SLC25A12: variants seen among roughly 807,000 people sequenced by gnomAD.
SLC25A12 encodes solute carrier family 25 member 12.
SLC25A12 carries 32 observed loss-of-function variants against 83.3 expected under a neutral mutation model. The ratio of observed to expected loss-of-function variants is 0.38; its 90% CI spans 0.29 to 0.52. The LOEUF is 0.52. Among genes scored for constraint, SLC25A12 ranks in the 20% least tolerant of loss-of-function variants. The pLI, the probability that SLC25A12 is intolerant of heterozygous loss-of-function variation, is 0.84. For synonymous variants in SLC25A12, 267 were observed against 291.1 expected, an observed-to-expected ratio of 0.92 and a Z score of 0.84; for missense variants, 611 against 835.6, an observed-to-expected ratio of 0.73 and a Z score of 3.31.
intron 3 of SLC25A12, among the ~76,000 whole-genome samples, chr2:171,866,961 C>T (rs1339990067): frequency 2.1e-5 from 3 of 145,492 alleles, no homozygotes; most frequent in Non-Finnish European, 3.0e-5. Flanking sequence ...TCTGATGGGG[C>T]GGCCAGGCAG....
At chr2:171,853,501 C>T (rs948172809) in intron 4 of SLC25A12, among the ~76,000 whole-genome samples, 8 of 152,028 alleles carry the variant, frequency 5.3e-5, no homozygotes, top group Non-Finnish European at 7.4e-5. Context: ...CCAACATGGG[C>T]GAAGCCCCGT....
chr2:171,863,643 T>C (rs1235100432), intron 3 of SLC25A12, among the ~76,000 whole-genome samples: 1 of 152,126 alleles, frequency 6.6e-6, no homozygotes, highest in Non-Finnish European at 1.5e-5. Context: ...GAGCAGATGG[T>C]CATAAAAGGA....
chr2:171,809,681 A>C lies in SLC25A12; in HGVS notation c.1230T>G (p.Asn410Lys). 6.2e-7 allele frequency: 1 copy of C among 1,612,834 alleles called. No homozygotes were observed. The highest frequency in any genetic ancestry group is 8.5e-7 in the Non-Finnish European group (1 of 1,178,786). The change falls in exon 13 of 18, where the codon AAT becomes AAG. Residue 410 changes from asparagine (N) to lysine (K), a missense_variant. Coordinates refer to ENST00000422440, the MANE Select transcript of SLC25A12 (RefSeq NM_003705.5). ...TGGTAAATTTGTCCCGAACAAAATC[A>C]TTAACCTAATTAGAAAGACAACATC... ...APEKAIKLTV[N>K]DFVRDKFTRR...
At chr2:171,801,809 AG>A (rs1375814200) in intron 13 of SLC25A12, among the ~76,000 whole-genome samples, 1 of 152,092 alleles carries the variant, frequency 6.6e-6, no homozygotes, top group Admixed American at 6.5e-5. Flanking sequence ...GACATTCAGA[AG>A]GTTAGGTGTA....
At chr2:171,892,318 C>G (rs1377792628) in intron 2 of SLC25A12, among the ~76,000 whole-genome samples, 1 of 152,062 alleles carries the variant, frequency 6.6e-6, no homozygotes, top group Non-Finnish European at 1.5e-5. Flanking sequence ...CTCCGCTTCC[C>G]GGGTTAACGC....
Position 171,784,985 on chromosome 2 carries a change from T to A in SLC25A12, c.*289A>T, listed in dbSNP as rs1690460400. 2.6e-6 allele frequency: 1 copy of A among 391,984 alleles called. No individual in the cohort carries two copies. The highest frequency in any genetic ancestry group is 4.9e-6 in the Non-Finnish European group (1 of 204,842). The allele number at this position is 391,984 out of a possible 1,614,324, so 24.3% of individuals were successfully genotyped here. ...TCTCTGTACAAAGATGTACAATATG[T>A]ACAATCACTGTAAGTGCAAGCTGTG... On this transcript the variant is annotated 3_prime_UTR_variant, in exon 18 of 18. Coordinates refer to ENST00000422440, the MANE Select transcript of SLC25A12 (RefSeq NM_003705.5).
chr2:171,861,342 A>G (rs1468085166), intron 3 of SLC25A12, among the ~76,000 whole-genome samples: 3 of 152,164 alleles, frequency 2.0e-5, no homozygotes, highest in Admixed American at 6.5e-5. Flanking sequence ...TAATGCAACA[A>G]TATTTTTCTG....
In SLC25A12 at chr2:171,883,687, C is replaced by G. The variant is rs781673491; in HGVS notation, c.66+9518G>C. ...ACGTGTGAGCCCTTTGGAATTCCCT[C>G]CACCACTTCACCCTCATTCCCTTTT... On this transcript the variant is annotated intron_variant, in intron 2 of 17. Coordinates refer to ENST00000422440, the MANE Select transcript of SLC25A12 (RefSeq NM_003705.5). Among the ~76,000 whole-genome samples, 4 of 152,164 alleles carry G rather than the reference C, an allele frequency of 2.6e-5. 1 individual carries two copies. The highest frequency in any genetic ancestry group is 6.6e-5 in the Admixed American group (1 of 15,266).
At chr2:171,831,829 G>A (rs1684437718) in intron 8 of SLC25A12, among the ~76,000 whole-genome samples, 1 of 151,970 alleles carries the variant, frequency 6.6e-6, no homozygotes, top group Admixed American at 6.6e-5. Context: ...AACCCAGGAG[G>A]CGGAGGTTGC....
intron 13 of SLC25A12, among the ~76,000 whole-genome samples, chr2:171,802,496 G>A (rs1242249769): frequency 1.3e-5 from 2 of 152,178 alleles, no homozygotes; most frequent in East Asian, 1.9e-4. Flanking sequence ...CTGAAAATGG[G>A]CCAGGCACTG....
intron 3 of SLC25A12, among the ~76,000 whole-genome samples, chr2:171,867,105 T>C (rs1290167316): frequency 2.1e-5 from 3 of 139,696 alleles, no homozygotes; most frequent in Middle Eastern, 3.8e-3. Context: ...CCTCACTTCC[T>C]AGATGGGATG....
At chr2:171,807,844 C>A in intron 13 of SLC25A12, among the ~76,000 whole-genome samples, 1 of 152,172 alleles carries the variant, frequency 6.6e-6, no homozygotes, top group Non-Finnish European at 1.5e-5. Context: ...GGCATGCATA[C>A]AGGCACACAC....
intron 8 of SLC25A12, among the ~76,000 whole-genome samples, chr2:171,832,882 A>G (rs774299372): frequency 5.3e-5 from 8 of 152,212 alleles, no homozygotes; most frequent in Non-Finnish European, 8.8e-5. Context: ...TTGTTTTTAT[A>G]TCAACCAATC....
chr2:171,848,612 C>A (rs1030009195), intron 4 of SLC25A12, among the ~76,000 whole-genome samples: 6 of 151,858 alleles, frequency 4.0e-5, no homozygotes, highest in African/African-American at 1.5e-4. Context: ...AACTGGGAAG[C>A]CAAAAAAGAA....
chr2:171,857,254 C>T (rs1685065086), intron 3 of SLC25A12, among the ~76,000 whole-genome samples: 1 of 152,048 alleles, frequency 6.6e-6, no homozygotes, highest in Admixed American at 6.6e-5. Flanking sequence ...ACCTGTAATC[C>T]CAACAACTCA....
chr2:171,878,626 T>C (rs568058080), intron 2 of SLC25A12, among the ~76,000 whole-genome samples: 21 of 151,892 alleles, frequency 1.4e-4, no homozygotes, highest in African/African-American at 5.1e-4. Flanking sequence ...GGCTGTAATA[T>C]GAGTCAAAAC....
chr2:171,884,951 C>T (rs974786695), intron 2 of SLC25A12, among the ~76,000 whole-genome samples: 8 of 152,214 alleles, frequency 5.3e-5, no homozygotes, highest in African/African-American at 1.2e-4. Context: ...CGGTGGCTCA[C>T]GCCTATAATC....
chr2:171,806,474 A>G (rs1409425919), intron 13 of SLC25A12, among the ~76,000 whole-genome samples: 2 of 152,214 alleles, frequency 1.3e-5, no homozygotes, highest in Non-Finnish European at 2.9e-5. Flanking sequence ...AACGAAAACA[A>G]AAACAAACCA....
intron 2 of SLC25A12, chr2:171,871,825 G>A: frequency 1.2e-6 from 1 of 817,342 alleles, no homozygotes. Flanking sequence ...TTTGAGAGGT[G>A]GGAGAATCAC....
Sources: gnomAD v4.1 joint callset for allele counts (sites outside exome capture counted in the v4.1 genomes callset) on GRCh38, gnomAD v4.1.1 for gene constraint, MANE v1.5 for transcripts, NCBI Gene and HGNC (gene_info 2026-07-23, HGNC 2026-07-21) for gene names.